The following XKR4 variants were observed in gnomAD, a reference collection of about 807,000 sequenced individuals.
The protein encoded by XKR4 is XK-related protein 4.
Under a neutral mutation model 53.9 loss-of-function variants are expected in XKR4, and 12 were observed. The ratio of observed to expected loss-of-function variants is 0.22; its 90% CI spans 0.14 to 0.36. The LOEUF is 0.36. XKR4 is among the 10% of genes least tolerant of loss of function. The pLI, the probability that XKR4 is intolerant of heterozygous loss-of-function variation, is 1.00. For missense variants in XKR4, 799 were observed against 859.5 expected (o/e 0.93, Z 0.88); for synonymous variants, 354 against 362.4 (o/e 0.98, Z 0.26).
At chr8:55,208,758 C>T (rs1408319165) in intron 1 of XKR4, among the ~76,000 whole-genome samples, 1 of 152,182 alleles carries the variant, frequency 6.6e-6, no homozygotes, top group Non-Finnish European at 1.5e-5. Context: ...AGCCACCACA[C>T]CCAGCCTAGT....
At chr8:55,477,460 A>C (rs1357611654) in intron 2 of XKR4, among the ~76,000 whole-genome samples, 1 of 152,148 alleles carries the variant, frequency 6.6e-6, no homozygotes, top group African/African-American at 2.4e-5. Flanking sequence ...TGGGGAAAAA[A>C]CAGAGCAGAA....
intron 1 of XKR4, among the ~76,000 whole-genome samples, chr8:55,146,202 A>C (rs1024194075): frequency 6.6e-6 from 1 of 152,190 alleles, no homozygotes; most frequent in African/African-American, 2.4e-5. Flanking sequence ...CTTTAAAATC[A>C]AGCTTGAAAT....
chr8:55,245,388 A>G (rs1042466474), intron 1 of XKR4, among the ~76,000 whole-genome samples: 1 of 151,722 alleles, frequency 6.6e-6, no homozygotes, highest in Non-Finnish European at 1.5e-5. Context: ...GTAGCGGGGG[A>G]AAATTACATA....
chr8:55,176,467 G>GT (rs1466888169), intron 1 of XKR4, among the ~76,000 whole-genome samples: 1 of 152,166 alleles, frequency 6.6e-6, no homozygotes, highest in African/African-American at 2.4e-5. Context: ...GTGCGTGTGT[G>GT]TGTGTGTGCA....
intron 1 of XKR4, among the ~76,000 whole-genome samples, chr8:55,308,545 C>G (rs78025002): frequency 2.2e-4 from 32 of 146,802 alleles, no homozygotes; most frequent in South Asian, 6.6e-4. Flanking sequence ...CCCACCAGGT[C>G]CCTCCCTTGA....
chr8:55,323,224 A>G (rs1160898971), intron 1 of XKR4, among the ~76,000 whole-genome samples: 3 of 152,162 alleles, frequency 2.0e-5, no homozygotes, highest in Non-Finnish European at 4.4e-5. Flanking sequence ...GGTAAAATTC[A>G]CTTTTTTTGG....
intron 2 of XKR4, among the ~76,000 whole-genome samples, chr8:55,389,873 T>C (rs1046589760): frequency 3.3e-4 from 50 of 152,336 alleles, no homozygotes; most frequent in African/African-American, 1.1e-3. Flanking sequence ...AGGTTCCTAG[T>C]GCCTACTGGA....
Position 55,203,979 on chromosome 8 carries a change from T to C in XKR4, c.806+100685T>C, listed in dbSNP as rs58290659. ...GAGATGTGTACATAAAGTGAATCCA[T>C]AGTAGTTTTGGGTGTTTGTTTTGCT... is the stretch of plus-strand genomic sequence containing the variant. On this transcript the variant is annotated intron_variant, in intron 1 of 2. Coordinates refer to ENST00000327381, the MANE Select transcript of XKR4 (RefSeq NM_052898.2). Among the ~76,000 whole-genome samples the C allele has an allele frequency of 3.8e-3, 574 of 152,246 alleles. 8 individuals are homozygous for C. The highest frequency in any genetic ancestry group is 0.013 in the African/African-American group (521 of 41,546).
At chr8:55,377,512 G>A (rs1804167846) in intron 2 of XKR4, among the ~76,000 whole-genome samples, 1 of 152,104 alleles carries the variant, frequency 6.6e-6, no homozygotes, top group Non-Finnish European at 1.5e-5. Context: ...AATAATCTCA[G>A]AAAATGAGTG....
intron 1 of XKR4, among the ~76,000 whole-genome samples, chr8:55,252,404 T>A (rs1402940484): frequency 1.3e-5 from 2 of 152,134 alleles, no homozygotes; most frequent in Non-Finnish European, 2.9e-5. Context: ...CAAGGACTAT[T>A]TTTGTTTTAT....
chr8:55,441,114 C>T (rs1805257840), intron 2 of XKR4, among the ~76,000 whole-genome samples: 1 of 151,462 alleles, frequency 6.6e-6, no homozygotes, highest in South Asian at 2.1e-4. Flanking sequence ...CTAATGCATG[C>T]CTGTAGTCCT....
rs933753249 is a variant in XKR4 at position 55,479,908 on chromosome 8, A to G, written c.1007-43373A>G. Among the ~76,000 whole-genome samples the G allele has an allele frequency of 2.6e-5, 4 of 152,168 alleles. No homozygotes were observed. The South Asian group carries it at 6.2e-4, about 24-fold the overall frequency. ...GCTCTGAAAATTGTGGCAATAATCAATAGCTTACCAAGCAAAGAAAAGTCC... is the reference window on the plus strand; with the variant it reads ...GCTCTGAAAATTGTGGCAATAATCAGTAGCTTACCAAGCAAAGAAAAGTCC... On this transcript the variant is annotated intron_variant, in intron 2 of 2. Transcript: ENST00000327381.
chr8:55,490,406 C>T (rs1255751891), intron 2 of XKR4, among the ~76,000 whole-genome samples: 1 of 152,048 alleles, frequency 6.6e-6, no homozygotes, highest in Non-Finnish European at 1.5e-5. Context: ...CATAATACTA[C>T]TAGGGGAGAG....
chr8:55,150,237 CTG>C (rs1404245746), intron 1 of XKR4, among the ~76,000 whole-genome samples: 1 of 152,192 alleles, frequency 6.6e-6, no homozygotes, highest in East Asian at 1.9e-4. Context: ...TGCTAGGTAA[CTG>C]TAACTGTATT....
chr8:55,162,805 G>A lies in XKR4; in HGVS notation c.806+59511G>A, dbSNP rs147942838. Among the ~76,000 whole-genome samples the A allele has an allele frequency of 2.1e-3, 320 of 151,948 alleles. 1 individual carries two copies. The highest frequency in any genetic ancestry group is 7.2e-3 in the African/African-American group (299 of 41,412). On this transcript the variant is annotated intron_variant, in intron 1 of 2. Coordinates refer to ENST00000327381, the MANE Select transcript of XKR4 (RefSeq NM_052898.2). ...TAGAAATGTCCAAAGTCTATGCTAG[G>A]TTCTTTTTTCTAATGAAAAAAACTG...
rs544128270 is a variant in XKR4 at position 55,300,660 on chromosome 8, G to A, written c.807-57018G>A. Reference sequence around the variant, plus strand: ...ACACAAGGGGGAGGAGCAAGCATGCGGAAATAGCCCTAAAGGGAGAGAGTC... The same window carrying A: ...ACACAAGGGGGAGGAGCAAGCATGCAGAAATAGCCCTAAAGGGAGAGAGTC... On this transcript the variant is annotated intron_variant, in intron 1 of 2. Coordinates refer to ENST00000327381, the MANE Select transcript of XKR4 (RefSeq NM_052898.2). Among the ~76,000 whole-genome samples the A allele has an allele frequency of 4.6e-5, 7 of 152,234 alleles. No individual in the cohort carries two copies. The South Asian group carries it at 1.2e-3, about 27-fold the overall frequency.
At chr8:55,253,270 C>A (rs1262075321) in intron 1 of XKR4, among the ~76,000 whole-genome samples, 1 of 152,110 alleles carries the variant, frequency 6.6e-6, no homozygotes. Context: ...AACTTTTCAC[C>A]ACCATGGAAG....
Position 55,220,980 on chromosome 8 carries a change from C to A in XKR4, c.806+117686C>A, listed in dbSNP as rs560818116. ...TTCAATGTGGCCAGACCTTTCCTTACCTGCAATCCATGTCCAATGATTATC... is the reference window on the plus strand; with the variant it reads ...TTCAATGTGGCCAGACCTTTCCTTAACTGCAATCCATGTCCAATGATTATC... On this transcript the variant is annotated intron_variant, in intron 1 of 2. Coordinates refer to ENST00000327381, the MANE Select transcript of XKR4 (RefSeq NM_052898.2). 7.4e-4 allele frequency among the ~76,000 whole-genome samples: 113 copies of A among 152,322 alleles called. 1 individual carries two copies. The highest frequency in any genetic ancestry group is 2.6e-3 in the African/African-American group (110 of 41,572).
chr8:55,480,712 T>C (rs1484628062), intron 2 of XKR4, among the ~76,000 whole-genome samples: 2 of 147,872 alleles, frequency 1.4e-5, no homozygotes, highest in East Asian at 3.9e-4. Flanking sequence ...AGACTCAGGA[T>C]ACAAAATCAA....
Sources: allele counts gnomAD v4.1 joint callset (sites outside exome capture counted in the v4.1 genomes callset), GRCh38; gene constraint gnomAD v4.1.1; transcripts MANE v1.5; gene names NCBI Gene and HGNC (gene_info 2026-07-23, HGNC 2026-07-21).